Variants in FGF14 observed in about 807,000 individuals in gnomAD.
The protein encoded by FGF14 is fibroblast growth factor homologous factor 4.
In FGF14, 5 loss-of-function variants were observed where a neutral mutation model predicts 25.5. The observed-to-expected ratio is 0.20, with a 90% confidence interval of 0.10 to 0.41. FGF14 has a LOEUF of 0.41. Among genes scored for constraint, FGF14 ranks in the 10% least tolerant of loss-of-function variants. FGF14 has a pLI of 1.00. For synonymous variants in FGF14, 138 were observed against 118.3 expected (o/e 1.17, Z -1.08); for missense variants, 222 against 320.1 (o/e 0.69, Z 2.34).
chr13:102,235,260 GATA>G (rs1157279637), intron 1 of FGF14, among the ~76,000 whole-genome samples: 1 of 152,084 alleles, frequency 6.6e-6, no homozygotes, highest in African/African-American at 2.4e-5. Flanking sequence ...AATCATGTAG[GATA>G]ATATTAAAAT....
chr13:102,282,446 T>C (rs1482134789), intron 1 of FGF14, among the ~76,000 whole-genome samples: 1 of 152,188 alleles, frequency 6.6e-6, no homozygotes, highest in Non-Finnish European at 1.5e-5. Context: ...CAGTTTAGTA[T>C]CTGTAACAAT....
chr13:102,029,515 G>T (rs2041104332), intron 1 of FGF14, among the ~76,000 whole-genome samples: 2 of 148,044 alleles, frequency 1.4e-5, no homozygotes, highest in East Asian at 2.0e-4. Flanking sequence ...AGATCAACAT[G>T]AATTGTGTCA....
At chr13:101,899,350 G>T (rs2031210264) in intron 1 of FGF14, among the ~76,000 whole-genome samples, 1 of 151,732 alleles carries the variant, frequency 6.6e-6, no homozygotes. Context: ...GGAGTTAACA[G>T]ACACAGATTT....
intron 1 of FGF14, among the ~76,000 whole-genome samples, chr13:102,146,088 T>G (rs192112081): frequency 1.1e-3 from 166 of 152,348 alleles, no homozygotes; most frequent in African/African-American, 3.8e-3. Context: ...AGCCTTGTTC[T>G]TGTGATTCAT....
intron 1 of FGF14, among the ~76,000 whole-genome samples, chr13:101,975,647 ATGTC>A (rs1055525323): frequency 6.6e-6 from 1 of 152,166 alleles, no homozygotes; most frequent in African/African-American, 2.4e-5. Flanking sequence ...AGGGTTTTAA[ATGTC>A]TGTCATCTAC....
intron 1 of FGF14, among the ~76,000 whole-genome samples, chr13:102,254,479 C>G (rs1311878715): frequency 1.3e-5 from 2 of 152,110 alleles, no homozygotes; most frequent in African/African-American, 4.8e-5. Context: ...TCCAAATAAC[C>G]CTGGACTCAG....
At chr13:101,771,589 T>C (rs996281598) in intron 3 of FGF14, among the ~76,000 whole-genome samples, 4 of 152,120 alleles carry the variant, frequency 2.6e-5, no homozygotes, top group Non-Finnish European at 5.9e-5. Context: ...AATACACATC[T>C]GGATGCTTAC....
chr13:102,110,718 C>T (rs929455425), intron 1 of FGF14, among the ~76,000 whole-genome samples: 5 of 151,718 alleles, frequency 3.3e-5, no homozygotes, highest in African/African-American at 9.6e-5. Flanking sequence ...TCAGCCCCCT[C>T]GCCCCTTAGA....
At chr13:101,769,462 C>A (rs1421406039) in intron 3 of FGF14, among the ~76,000 whole-genome samples, 1 of 152,098 alleles carries the variant, frequency 6.6e-6, no homozygotes, top group Admixed American at 6.6e-5. Context: ...GATATGTACC[C>A]TAAAATGCTA....
chr13:102,239,696 T>C (rs2051498946), intron 1 of FGF14, among the ~76,000 whole-genome samples: 1 of 152,152 alleles, frequency 6.6e-6, no homozygotes, highest in Non-Finnish European at 1.5e-5. Context: ...AGCCACTAAA[T>C]GACCAAGAAA....
intron 1 of FGF14, among the ~76,000 whole-genome samples, chr13:102,265,605 A>C (rs977366513): frequency 6.6e-6 from 1 of 152,094 alleles, no homozygotes; most frequent in African/African-American, 2.4e-5. Flanking sequence ...TTCATGTCTT[A>C]TTCTGTTTGA....
At chr13:102,236,223 G>A (rs1324243979) in intron 1 of FGF14, among the ~76,000 whole-genome samples, 1 of 152,076 alleles carries the variant, frequency 6.6e-6, no homozygotes, top group African/African-American at 2.4e-5. Flanking sequence ...ACTTTACTTT[G>A]TGGACTTGCC....
intron 1 of FGF14, among the ~76,000 whole-genome samples, chr13:102,336,524 C>A (rs1369676081): frequency 3.9e-5 from 6 of 152,180 alleles, no homozygotes; most frequent in Admixed American, 2.0e-4. Flanking sequence ...CGTGAAACAG[C>A]AAGTGCTGAT....
At chr13:101,782,457 T>G (rs75173277) in intron 3 of FGF14, among the ~76,000 whole-genome samples, 1,728 of 152,296 alleles carry the variant, frequency 0.011, 24 homozygotes, top group African/African-American at 0.038. Flanking sequence ...CATGGGGATT[T>G]GTTGCACGGA....
chr13:102,312,712 G>A (rs1218249243), intron 1 of FGF14, among the ~76,000 whole-genome samples: 1 of 152,176 alleles, frequency 6.6e-6, no homozygotes, highest in Non-Finnish European at 1.5e-5. Context: ...GGAGAAGGAA[G>A]TGTATTGTTT....
At chr13:102,344,573 A>G (rs959552090) in intron 1 of FGF14, among the ~76,000 whole-genome samples, 1 of 152,240 alleles carries the variant, frequency 6.6e-6, no homozygotes, top group Non-Finnish European at 1.5e-5. Context: ...GTTTGATATA[A>G]GACAACCTGT....
chr13:101,772,970 A>C (rs994605176), intron 3 of FGF14, among the ~76,000 whole-genome samples: 1 of 152,158 alleles, frequency 6.6e-6, no homozygotes, highest in South Asian at 2.1e-4. Flanking sequence ...AAATATATAG[A>C]TAGCAAATGG....
At chr13:102,278,774 C>CA (rs1387385961) in intron 1 of FGF14, among the ~76,000 whole-genome samples, 1 of 152,048 alleles carries the variant, frequency 6.6e-6, no homozygotes, top group Non-Finnish European at 1.5e-5. Flanking sequence ...TGAAAGCAAA[C>CA]AGCAATTGTG....
At chr13:102,074,397 G>A (rs2043276554) in intron 1 of FGF14, among the ~76,000 whole-genome samples, 2 of 152,120 alleles carry the variant, frequency 1.3e-5, no homozygotes, top group African/African-American at 4.8e-5. Flanking sequence ...CCTACCTGGC[G>A]AGCATTCTTC....
Sources: gnomAD v4.1 joint callset for allele counts (sites outside exome capture counted in the v4.1 genomes callset) on GRCh38, gnomAD v4.1.1 for gene constraint, MANE v1.5 for transcripts, NCBI Gene and HGNC (gene_info 2026-07-23, HGNC 2026-07-21) for gene names.